The following XPO7 variants were observed in gnomAD, a reference collection of about 807,000 sequenced individuals.
XPO7 encodes exportin-7.
XPO7 carries 21 observed loss-of-function variants against 144.3 expected under a neutral mutation model. The ratio of observed to expected loss-of-function variants is 0.15; its 90% CI spans 0.10 to 0.21. XPO7 has a LOEUF of 0.21. Ranked by LOEUF, XPO7 falls within the 10% of genes least tolerant of loss-of-function variation. The pLI is 1.00. For missense variants in XPO7, 808 were observed against 1,325.8 expected (o/e 0.61, Z 6.06); for synonymous variants, 580 against 499.6 (o/e 1.16, Z -2.15).
rs1276128992 is a variant in XPO7 at position 21,988,975 on chromosome 8, T to G, written c.1788-28T>G. 1.9e-6 allele frequency: 3 copies of G among 1,603,868 alleles called. No homozygotes were observed. The East Asian group carries it at 6.7e-5, about 36-fold the overall frequency. On this transcript the variant is annotated intron_variant, in intron 15 of 27. Transcript: ENST00000252512. ...AAACCAGCAAATCAAAAGGGTCTCC[T>G]GCTTTTTTTTTTCTTTTTGTCCTCC...
intron 24 of XPO7, among the ~76,000 whole-genome samples, chr8:22,001,727 T>C (rs1309884115): frequency 6.6e-6 from 1 of 152,206 alleles, no homozygotes. Context: ...GTTTCCTCAT[T>C]TGTAAAACAG....
Position 22,002,219 on chromosome 8 carries a change from G to C in XPO7, c.2890G>C (p.Glu964Gln). Residue 964 changes from glutamate to glutamine, a missense_variant, in exon 25 of 28, where the codon GAG becomes CAG. Physicochemically the swap from Glu to Gln is conservative, Grantham distance 29. Around this residue, in one of 5 missense-constraint regions of XPO7, gnomAD observed 140 missense variants for 237.9 expected, o/e 0.59. Coordinates refer to ENST00000252512, the MANE Select transcript of XPO7 (RefSeq NM_015024.5). ...TKKRTTPLNQ[E>Q]SDRFLHIMQQ... is the part of the protein sequence containing the mutation. ...GAAGAGGACCACACCCCTGAACCAG[G>C]AGAGCGACCGCTTTCTGCACATCAT... 1 of 1,613,388 alleles carries C rather than the reference G, an allele frequency of 6.2e-7. No homozygotes were observed. Among genetic ancestry groups the C allele is most frequent in the Non-Finnish European group, 8.5e-7 (1 of 1,179,662 alleles).
At chr8:21,992,731 A>G (rs1812811800) in intron 19 of XPO7, among the ~76,000 whole-genome samples, 1 of 152,118 alleles carries the variant, frequency 6.6e-6, no homozygotes, top group Admixed American at 6.5e-5. Context: ...ACATATATGG[A>G]ATTTTAAGTT....
intron 6 of XPO7, among the ~76,000 whole-genome samples, chr8:21,975,379 A>G (rs752736219): frequency 1.4e-4 from 22 of 152,240 alleles, no homozygotes; most frequent in Non-Finnish European, 1.2e-4. Context: ...GGTGTTTTCA[A>G]TTCATTTATT....
At chr8:21,969,646 A>G in intron 3 of XPO7, 70 bp downstream of exon 3, 1 of 1,358,306 alleles carries the variant, frequency 7.4e-7, no homozygotes, top group Non-Finnish European at 1.0e-6. Context: ...TAATAGTCAA[A>G]TGTACGTGTT....
intron 27 of XPO7, 94 bp from the exon 28 acceptor site, chr8:22,004,901 A>G: frequency 3.2e-6 from 2 of 634,300 alleles, no homozygotes; most frequent in Non-Finnish European, 5.3e-6. Flanking sequence ...CAATTCATAC[A>G]TTCTACTTCC....
intron 15 of XPO7, 147 bp downstream of exon 15, chr8:21,988,004 C>A: frequency 1.2e-6 from 1 of 853,394 alleles, no homozygotes; most frequent in Non-Finnish European, 1.8e-6. Context: ...GTGTGACAAG[C>A]TGTGCTTAGA....
chr8:22,005,220 C>A lies in XPO7; in HGVS notation c.*132C>A. 1.6e-6 allele frequency: 1 copy of A among 635,546 alleles called. No individual in the cohort carries two copies. 39.4% of individuals were successfully genotyped at this position (635,546 alleles called of 1,614,324 possible). ...GGGGTGTGGGGAAAATGGCAAAGGT[C>A]AACTAGCTGCTTCCCCAGGGAATAG... On this transcript the variant is annotated 3_prime_UTR_variant, in exon 28 of 28. Coordinates refer to ENST00000252512, the MANE Select transcript of XPO7 (RefSeq NM_015024.5).
chr8:21,982,933 C>A, intron 11 of XPO7, 121 bp downstream of exon 11: 1 of 1,231,046 alleles, frequency 8.1e-7, no homozygotes, highest in Non-Finnish European at 1.1e-6. Flanking sequence ...CACTACTGTT[C>A]ATGGTTCTTC....
At chr8:21,964,457 A>G (rs552775566) in intron 1 of XPO7, 1 of 152,356 alleles carries the variant, frequency 6.6e-6, no homozygotes, top group African/African-American at 2.4e-5. Context: ...ATTTGTTTTG[A>G]AAACACTGGT....
At chr8:21,978,072 A>T (rs1180662379) in intron 8 of XPO7, among the ~76,000 whole-genome samples, 2 of 140,820 alleles carry the variant, frequency 1.4e-5, no homozygotes, top group African/African-American at 6.2e-5. Flanking sequence ...CAGATGGTCA[A>T]GCTCTTTTGG....
rs186954286 is a variant in XPO7, at chr8:21,982,798, G to A, written c.1263G>A (p.Val421=). The A allele has an allele frequency of 4.4e-6, 7 of 1,608,158 alleles. No homozygotes were observed. In the African/African-American group the frequency reaches 9.4e-5, roughly 22 times the overall value. ...ACATCACATCCCGGTTGGAATCTGT[G>A]CACATCATACTGAGGTAAGGAAACT... is the stretch of plus-strand genomic sequence containing the variant. ...KAYITSRLES[V]HIILRDGLED... Residue 421 remains valine (V), a synonymous_variant, in exon 11 of 28, where the codon GTG becomes GTA. Coordinates refer to ENST00000252512, the MANE Select transcript of XPO7 (RefSeq NM_015024.5).
chr8:22,002,123 T>C lies in XPO7; in HGVS notation c.2794T>C (p.Cys932Arg). ...EGLTALDTMV[C>R]TGCCSCLDHI... ...TTTCTTTCTTGCAGACACCATGGTA[T>C]GCACAGGCTGCTGCTCCTGCCTGGA... is the stretch of plus-strand genomic sequence containing the variant. Residue 932 changes from cysteine (C) to arginine (R), a missense_variant, in exon 25 of 28, where the codon TGC becomes CGC. Physicochemically the swap from Cys to Arg is radical, Grantham distance 180 (BLOSUM62 -3). Around this residue, in one of 5 missense-constraint regions of XPO7, gnomAD observed 140 missense variants for 237.9 expected, o/e 0.59. Transcript: ENST00000252512. The C allele has an allele frequency of 1.9e-6, 3 of 1,609,864 alleles. No individual in the cohort carries two copies. Among genetic ancestry groups the C allele is most frequent in the Non-Finnish European group, 2.5e-6 (3 of 1,178,042 alleles).
At chr8:21,946,574 GAAAAA>G (rs375503342) in intron 1 of XPO7, among the ~76,000 whole-genome samples, 6 of 89,052 alleles carry the variant, frequency 6.7e-5, no homozygotes, top group South Asian at 4.0e-4. Flanking sequence ...TTCTAGAACT[GAAAAA>G]AAAAAACAAA....
intron 8 of XPO7, 53 bp from the exon 9 acceptor site, chr8:21,980,031 A>G: frequency 6.9e-7 from 1 of 1,457,530 alleles, no homozygotes; most frequent in African/African-American, 1.4e-5. Flanking sequence ...TTCTGGTGAA[A>G]GTAACTGTAC....
rs555563062 is a variant in XPO7, at chr8:21,981,611, G to A, written c.958-120G>A. ...GACGTATCATTCTGAATCATGACCT[G>A]CAGCCCAGAAGTTAAAAAGTAGATT... is the stretch of plus-strand genomic sequence containing the variant. On this transcript the variant is annotated intron_variant, in intron 9 of 27. Coordinates refer to ENST00000252512, the MANE Select transcript of XPO7 (RefSeq NM_015024.5). The A allele has an allele frequency of 1.1e-5, 13 of 1,231,844 alleles. No homozygotes were observed. The African/African-American group carries it at 2.0e-4, about 18-fold the overall frequency. The allele number at this position is 1,231,844 out of a possible 1,614,324, so 76.3% of individuals were successfully genotyped here.
At chr8:21,948,011 G>T (rs1050474459) in intron 1 of XPO7, among the ~76,000 whole-genome samples, 4 of 152,200 alleles carry the variant, frequency 2.6e-5, no homozygotes, top group African/African-American at 9.6e-5. Context: ...GAAAACCAGA[G>T]AGACCAGAGG....
At chr8:21,922,971 A>G (rs1179318907) in intron 1 of XPO7, among the ~76,000 whole-genome samples, 1 of 152,174 alleles carries the variant, frequency 6.6e-6, no homozygotes, top group African/African-American at 2.4e-5. Context: ...AATCATTACA[A>G]CTTGTCAGGT....
At chr8:21,935,869 G>A (rs548825256) in intron 1 of XPO7, among the ~76,000 whole-genome samples, 15 of 152,020 alleles carry the variant, frequency 9.9e-5, no homozygotes, top group East Asian at 1.9e-4. Flanking sequence ...TCTCTGTCTC[G>A]TCTGCAAATC....
Sources: gnomAD v4.1 joint callset for allele counts (sites outside exome capture counted in the v4.1 genomes callset) on GRCh38, gnomAD v4.1.1 for gene constraint, gnomAD v4.1.1 regional missense constraint, MANE v1.5 for transcripts, NCBI Gene and HGNC (gene_info 2026-07-23, HGNC 2026-07-21) for gene names.